VMP1: variants seen among roughly 807,000 people sequenced by gnomAD.
VMP1 encodes the protein ectopic P-granules autophagy protein 3 homolog.
In VMP1, 11 loss-of-function variants were observed where a neutral mutation model predicts 56.0. That is an observed-to-expected ratio of 0.20 (90% CI 0.12 to 0.32). The LOEUF is 0.32. Among genes scored for constraint, VMP1 ranks in the 10% least tolerant of loss-of-function variants. The probability of loss-of-function intolerance (pLI) is 1.00; values close to 1 mark genes in which losing one functional copy is unlikely to be tolerated. For synonymous variants in VMP1, 149 were observed against 165.0 expected, an observed-to-expected ratio of 0.90 and a Z score of 0.74; for missense variants, 296 against 490.3, an observed-to-expected ratio of 0.60 and a Z score of 3.74.
chr17:59,826,425 C>T (rs951468768), intron 10 of VMP1, among the ~76,000 whole-genome samples: 1 of 152,088 alleles, frequency 6.6e-6, no homozygotes, highest in Admixed American at 6.6e-5. Flanking sequence ...AAAGGTCAAG[C>T]GAAAGTCATG....
intron 1 of VMP1, among the ~76,000 whole-genome samples, chr17:59,712,637 A>C (rs1232349360): frequency 6.6e-6 from 1 of 152,148 alleles, no homozygotes; most frequent in Non-Finnish European, 1.5e-5. Flanking sequence ...GAGAGTTAAC[A>C]ATGTGGATAT....
In VMP1 at chr17:59,753,802, A is replaced by G. The variant is rs147767483; in HGVS notation, c.415-11169A>G. On this transcript the variant is annotated intron_variant, in intron 5 of 11. Coordinates refer to ENST00000262291, the MANE Select transcript of VMP1 (RefSeq NM_030938.5). ...AGTAGAAGGCTGAATATATTTTACA[A>G]TTTTTCTGTTTGCCATATATTTTAA... Among the ~76,000 whole-genome samples, 765 of 152,226 alleles carry G rather than the reference A, an allele frequency of 5.0e-3. 3 individuals carry two copies. The highest frequency in any genetic ancestry group is 8.2e-3 in the Non-Finnish European group (558 of 68,006).
intron 2 of VMP1, among the ~76,000 whole-genome samples, chr17:59,733,223 GTTTTTC>G (rs1047064060): frequency 1.2e-4 from 18 of 151,840 alleles, no homozygotes; most frequent in Admixed American, 6.6e-4. Context: ...TGGCTGCTTA[GTTTTTC>G]TTTCCATTGT....
chr17:59,817,282 CAAAAAAAAAAA>C (rs1209080230), intron 9 of VMP1, among the ~76,000 whole-genome samples: 1 of 60,350 alleles, frequency 1.7e-5, no homozygotes, highest in South Asian at 7.3e-4. Flanking sequence ...AACTCTGTCT[CAAAAAAAAAAA>C]AAAAAAAAAA....
intron 5 of VMP1, among the ~76,000 whole-genome samples, chr17:59,760,261 C>T (rs1305945630): frequency 6.6e-6 from 1 of 151,988 alleles, no homozygotes; most frequent in Non-Finnish European, 1.5e-5. Context: ...TTCTTCATTT[C>T]CTCCTCCCAT....
At chr17:59,733,543 C>CA (rs928212153) in intron 2 of VMP1, among the ~76,000 whole-genome samples, 34 of 150,088 alleles carry the variant, frequency 2.3e-4, no homozygotes, top group East Asian at 9.8e-4. Flanking sequence ...ACTAAAAATA[C>CA]AAAAAAAAAC....
rs543862899 is a variant in VMP1 at position 59,807,832 on chromosome 17, C to CAA, written c.715-946_715-945dup. 3.7e-3 allele frequency among the ~76,000 whole-genome samples: 314 copies of CAA among 85,488 alleles called. 1 individual carries two copies. The highest frequency in any genetic ancestry group is 0.022 in the South Asian group (55 of 2,514). The allele number at this position is 85,488 out of a possible 152,430, so 56.1% of individuals were successfully genotyped here. On this transcript the variant is annotated intron_variant, in intron 7 of 11. Coordinates refer to ENST00000262291, the MANE Select transcript of VMP1 (RefSeq NM_030938.5). ...GGGCAACAAGAGTGAAACTCCGTCT[C>CAA]AAAAAAAAAAAAAAAAAAAGAAAGT...
At position 59,733,182 on chromosome 17, in the gene VMP1, TC is replaced by T. The variant is rs201526919; in HGVS notation, c.76+1665del. Among the ~76,000 whole-genome samples, 8 of 151,312 alleles carry T rather than the reference TC, an allele frequency of 5.3e-5. No homozygotes were observed. In the South Asian group the frequency reaches 1.7e-3, roughly 32 times the overall value. On this transcript the variant is annotated intron_variant, in intron 2 of 11. Coordinates refer to ENST00000262291, the MANE Select transcript of VMP1 (RefSeq NM_030938.5). ...GCCTGGGTGACAGAGCAAGACCCTG[TC>T]CCCCAAAAAAAAAAATTTATTCTTT...
intron 5 of VMP1, among the ~76,000 whole-genome samples, chr17:59,751,976 G>T (rs2035669760): frequency 6.6e-6 from 1 of 151,962 alleles, no homozygotes; most frequent in African/African-American, 2.4e-5. Flanking sequence ...CACTACACCA[G>T]CTGGGTTTTT....
Position 59,808,775 on chromosome 17 carries a change from TC to T in VMP1, c.715-20del. ...TCTTTTCCTACTTCTCATTAATGTT[TC>T]TAAATTTGCCTTTTTACAGGACTTT... On this transcript the variant is annotated intron_variant, in intron 7 of 11. Coordinates refer to ENST00000262291, the MANE Select transcript of VMP1 (RefSeq NM_030938.5). 1 of 1,603,118 alleles carries T rather than the reference TC, an allele frequency of 6.2e-7. No individual in the cohort carries two copies. The highest frequency in any genetic ancestry group is 8.5e-7 in the Non-Finnish European group (1 of 1,171,282).
At chr17:59,785,655 A>C (rs1249478325) in intron 7 of VMP1, among the ~76,000 whole-genome samples, 1 of 149,378 alleles carries the variant, frequency 6.7e-6, no homozygotes, top group South Asian at 2.1e-4. Context: ...ACACCACTGC[A>C]CTCCAGCCTA....
At chr17:59,838,148 G>C in intron 10 of VMP1, 147 bp from the exon 11 acceptor site, 1 of 340,176 alleles carries the variant, frequency 2.9e-6, no homozygotes, top group Non-Finnish European at 5.4e-6. Context: ...CAGAATTTCA[G>C]CAGTTCTCTG....
intron 7 of VMP1, among the ~76,000 whole-genome samples, chr17:59,776,024 G>C (rs1481399110): frequency 6.6e-6 from 1 of 151,994 alleles, no homozygotes; most frequent in African/African-American, 2.4e-5. Context: ...ACCGGCCTGG[G>C]CAACATGGCA....
intron 1 of VMP1, among the ~76,000 whole-genome samples, chr17:59,713,449 T>A (rs2034012945): frequency 6.6e-6 from 1 of 151,908 alleles, no homozygotes; most frequent in African/African-American, 2.4e-5. Flanking sequence ...CATATATAAA[T>A]CTAGAGGTCA....
chr17:59,734,006 C>T (rs1050648220), intron 2 of VMP1, among the ~76,000 whole-genome samples: 2 of 152,166 alleles, frequency 1.3e-5, no homozygotes, highest in Admixed American at 6.5e-5. Flanking sequence ...CCACTTTGTT[C>T]TGTAATATGA....
At chr17:59,717,380 T>C (rs1426683203) in intron 1 of VMP1, among the ~76,000 whole-genome samples, 2 of 152,158 alleles carry the variant, frequency 1.3e-5, no homozygotes, top group Non-Finnish European at 2.9e-5. Flanking sequence ...GATTTTTCTT[T>C]TTCTAATCTC....
chr17:59,838,016 C>G, intron 10 of VMP1: 1 of 253,534 alleles, frequency 3.9e-6, no homozygotes, highest in Non-Finnish European at 7.5e-6. Context: ...GAAGCGGTTT[C>G]TGATTTACAG....
At position 59,811,747 on chromosome 17, in the gene VMP1, A is replaced by AAAGAAGC; in HGVS notation, c.874_875insAGAAGCA (p.Thr292LysfsTer80). ...TACCTTTTTGGACCTTCTTTGGTGCAACCCTAATTGGAAAAGCAATAATAA... is the reference window on the plus strand; with the variant it reads ...TACCTTTTTGGACCTTCTTTGGTGCAAAGAAGCACCCTAATTGGAAAAGCAATAATAA... On this transcript the variant is annotated frameshift_variant, in exon 9 of 12. Coordinates refer to ENST00000262291, the MANE Select transcript of VMP1 (RefSeq NM_030938.5). LOFTEE classifies it high-confidence loss of function. 6.2e-7 allele frequency: 1 copy of AAAGAAGC among 1,613,852 alleles called. No homozygotes were observed. The highest frequency in any genetic ancestry group is 8.5e-7 in the Non-Finnish European group (1 of 1,179,826).
intron 3 of VMP1, 89 bp from the exon 4 acceptor site, chr17:59,737,364 C>A: frequency 7.5e-7 from 1 of 1,341,582 alleles, no homozygotes; most frequent in Non-Finnish European, 1.0e-6. Flanking sequence ...AGCTAGGTAA[C>A]CTAACTGTTT....
Sources: allele counts gnomAD v4.1 joint callset (sites outside exome capture counted in the v4.1 genomes callset), GRCh38; gene constraint gnomAD v4.1.1; transcripts MANE v1.5; gene names NCBI Gene and HGNC (gene_info 2026-07-23, HGNC 2026-07-21).